RFX8: variants seen among roughly 807,000 people sequenced by gnomAD.
RFX8 encodes the protein regulatory factor X8, also known as DNA-binding protein RFX8.
Under a neutral mutation model 54.6 loss-of-function variants are expected in RFX8, and 46 were observed. That is an observed-to-expected ratio of 0.84 (90% confidence interval 0.67 to 1.08). RFX8 has a LOEUF of 1.08. Among genes scored for constraint, RFX8 ranks in the 50% least tolerant of loss-of-function variants. The probability of loss-of-function intolerance (pLI) is 0.00; values close to 1 mark genes in which losing one functional copy is unlikely to be tolerated. For synonymous variants in RFX8, 192 were observed against 209.5 expected (o/e 0.92, Z 0.72); for missense variants, 536 against 562.3 (o/e 0.95, Z 0.47).
chr2:101,427,697 C>T (rs897614315), intron 2 of RFX8, among the ~76,000 whole-genome samples: 19 of 152,160 alleles, frequency 1.2e-4, no homozygotes, highest in Non-Finnish European at 2.9e-5. Context: ...CCTCCCACAG[C>T]CCCTCTCCCG....
chr2:101,405,676 G>C (rs578249523), intron 10 of RFX8, among the ~76,000 whole-genome samples: 1 of 152,088 alleles, frequency 6.6e-6, no homozygotes, highest in South Asian at 2.1e-4. Flanking sequence ...ATGTCACAAA[G>C]CTCATAATTC....
At chr2:101,428,151 G>A (rs962968165) in intron 2 of RFX8, among the ~76,000 whole-genome samples, 2 of 152,020 alleles carry the variant, frequency 1.3e-5, no homozygotes, top group African/African-American at 2.4e-5. Context: ...AAAATTAGCC[G>A]GCGTGGTTGC....
At chr2:101,405,147 CTT>C (rs35008880) in intron 10 of RFX8, among the ~76,000 whole-genome samples, 3 of 144,378 alleles carry the variant, frequency 2.1e-5, no homozygotes, top group Admixed American at 6.9e-5. Context: ...TCCTATAATC[CTT>C]TTTTTTTTTT....
chr2:101,442,260 A>T (rs1255964772), intron 2 of RFX8, among the ~76,000 whole-genome samples: 1 of 152,236 alleles, frequency 6.6e-6, no homozygotes, highest in Non-Finnish European at 1.5e-5. Context: ...TGTTTCATCA[A>T]ACATGATTCA....
chr2:101,414,481 C>T (rs1033294954), intron 7 of RFX8, among the ~76,000 whole-genome samples: 3 of 150,914 alleles, frequency 2.0e-5, no homozygotes, highest in Admixed American at 6.6e-5. Flanking sequence ...GCCATGTTGG[C>T]CAGGCTGGTC....
At chr2:101,462,316 G>A (rs964637826) in intron 2 of RFX8, among the ~76,000 whole-genome samples, 1 of 152,078 alleles carries the variant, frequency 6.6e-6, no homozygotes, top group African/African-American at 2.4e-5. Context: ...TGTAGTCCCA[G>A]CTACTTGGGA....
At chr2:101,451,286 G>A (rs1477275887) in intron 2 of RFX8, among the ~76,000 whole-genome samples, 1 of 152,072 alleles carries the variant, frequency 6.6e-6, no homozygotes, top group Non-Finnish European at 1.5e-5. Context: ...ATGTCTTCTC[G>A]CTGATTTCCC....
chr2:101,464,427 A>G lies in RFX8; in HGVS notation c.72+2350T>C, dbSNP rs181619990. Among the ~76,000 whole-genome samples, 5 of 152,366 alleles carry G rather than the reference A, an allele frequency of 3.3e-5. No individual in the cohort carries two copies. In the East Asian group the frequency reaches 7.7e-4, roughly 23 times the overall value. On this transcript the variant is annotated intron_variant, in intron 2 of 11. Coordinates refer to ENST00000428343, the MANE Select transcript of RFX8 (RefSeq NM_001145664.2). ...CCAGTACCGCCACAAAGAGCAAGAA[A>G]CATTCCAACATCTGCACAGGAACTT...
chr2:101,432,317 A>G (rs1687531016), intron 2 of RFX8, among the ~76,000 whole-genome samples: 1 of 152,216 alleles, frequency 6.6e-6, no homozygotes, highest in Non-Finnish European at 1.5e-5. Context: ...GCAGGTGAGC[A>G]GAGTTGCTGG....
chr2:101,416,653 AG>A (rs1419289015), intron 6 of RFX8, among the ~76,000 whole-genome samples: 1 of 152,210 alleles, frequency 6.6e-6, no homozygotes, highest in Non-Finnish European at 1.5e-5. Context: ...AGGCAATGAT[AG>A]CAAAACTTCA....
chr2:101,467,969 T>C (rs756375484), intron 1 of RFX8, among the ~76,000 whole-genome samples: 5 of 152,194 alleles, frequency 3.3e-5, no homozygotes, highest in Non-Finnish European at 5.9e-5. Context: ...GCATTTGTTT[T>C]TCTAGAGAAA....
chr2:101,461,279 A>AAAAG (rs1553459154), intron 2 of RFX8, among the ~76,000 whole-genome samples: 3,962 of 124,064 alleles, frequency 0.032, 114 homozygotes, highest in African/African-American at 0.054. Context: ...AAAAAAAAAA[A>AAAAG]AAAGAAAGAA....
intron 9 of RFX8, among the ~76,000 whole-genome samples, chr2:101,408,554 GC>G (rs1288628311): frequency 1.3e-5 from 2 of 151,960 alleles, no homozygotes; most frequent in Admixed American, 1.3e-4. Context: ...AATGGACAGC[GC>G]CTGTCTGTGA....
rs1443727603 is a variant in RFX8 at position 101,455,416 on chromosome 2, C to T, written c.72+11361G>A. 3.9e-5 allele frequency among the ~76,000 whole-genome samples: 6 copies of T among 152,236 alleles called. No homozygotes were observed. The East Asian group carries it at 9.7e-4, about 25-fold the overall frequency. ...TATAAGGTGTAAGGAAGGGATCCAG[C>T]TTCAGCTTTCTACATATGGTTAGCC... On this transcript the variant is annotated intron_variant, in intron 2 of 11. Transcript: ENST00000428343.
chr2:101,427,706 C>T (rs781275506), intron 2 of RFX8, among the ~76,000 whole-genome samples: 16 of 152,174 alleles, frequency 1.1e-4, no homozygotes, highest in East Asian at 1.9e-4. Flanking sequence ...GCCCCTCTCC[C>T]GGACCCCCAA....
rs998623844 is a variant in RFX8 at position 101,421,705 on chromosome 2, C to A, written c.237+19G>T. ...TTTTATAGATAAAACCCTACCCTCT[C>A]AAGTTCTCAGTTCCTCACATTTCGT... On this transcript the variant is annotated intron_variant, in intron 4 of 11. Transcript: ENST00000428343. The A allele has an allele frequency of 7.3e-5, 113 of 1,547,872 alleles. No homozygotes were observed. The highest frequency in any genetic ancestry group is 9.5e-5 in the Non-Finnish European group (109 of 1,145,514).
rs1386606352 is a variant in RFX8, at chr2:101,405,984, G to A, written c.887C>T (p.Ala296Val). 4.5e-6 allele frequency: 7 copies of A among 1,548,834 alleles called. No homozygotes were observed. In the South Asian group the frequency reaches 6.0e-5, roughly 13 times the overall value. ...FQLRWNLLLT[A>V]VSKAMTLCHR... ...GCAGAGGGTCATGGCTTTGCTTACAGCAGTGAGAAGAAGATTCCATCTCAG... is the reference window on the plus strand; with the variant it reads ...GCAGAGGGTCATGGCTTTGCTTACAACAGTGAGAAGAAGATTCCATCTCAG... The change falls in exon 10 of 12, where the codon GCT (alanine) becomes GTT (valine). Residue 296 changes from alanine (A) to valine (V), a missense_variant. Ala to Val is a moderately conservative substitution (Grantham distance 64). Coordinates refer to ENST00000428343, the MANE Select transcript of RFX8 (RefSeq NM_001145664.2).
chr2:101,462,902 C>T (rs371820503), intron 2 of RFX8, among the ~76,000 whole-genome samples: 1 of 152,064 alleles, frequency 6.6e-6, no homozygotes, highest in Non-Finnish European at 1.5e-5. Flanking sequence ...TGAAAATAAC[C>T]GAAGAAGAGT....
chr2:101,414,726 G>A, intron 7 of RFX8, 128 bp downstream of exon 7: 1 of 669,640 alleles, frequency 1.5e-6, no homozygotes. Flanking sequence ...GGCCAGGCAA[G>A]GCCACCCTGC....
Sources: gnomAD v4.1 joint callset for allele counts (sites outside exome capture counted in the v4.1 genomes callset) on GRCh38, gnomAD v4.1.1 for gene constraint, MANE v1.5 for transcripts, NCBI Gene and HGNC (gene_info 2026-07-23, HGNC 2026-07-21) for gene names.